ASIC2: variants seen among roughly 807,000 people sequenced by gnomAD.
The protein encoded by ASIC2 is acid-sensing ion channel 2.
ASIC2 carries 25 observed loss-of-function variants against 57.3 expected under a neutral mutation model. The observed-to-expected ratio is 0.44, with a 90% CI of 0.32 to 0.61. ASIC2 has a LOEUF of 0.61. ASIC2 is among the 20% of genes least tolerant of loss of function. ASIC2 has a pLI of 0.06. For synonymous variants in ASIC2, 319 were observed against 307.5 expected (o/e 1.04, Z -0.39); for missense variants, 641 against 738.1 (o/e 0.87, Z 1.52).
chr17:33,607,680 C>T (rs562195640), intron 1 of ASIC2, among the ~76,000 whole-genome samples: 1 of 152,180 alleles, frequency 6.6e-6, no homozygotes, highest in Non-Finnish European at 1.5e-5. Flanking sequence ...GACTCTCCAT[C>T]AGCTCAAGTC....
intron 1 of ASIC2, among the ~76,000 whole-genome samples, chr17:33,206,182 T>G (rs2142083172): frequency 6.6e-6 from 1 of 152,270 alleles, no homozygotes; most frequent in South Asian, 2.1e-4. Context: ...AGCATCATAC[T>G]TCCCACGAAA....
At chr17:33,299,408 C>A (rs767847456) in intron 1 of ASIC2, among the ~76,000 whole-genome samples, 1 of 152,180 alleles carries the variant, frequency 6.6e-6, no homozygotes, top group African/African-American at 2.4e-5. Flanking sequence ...TTCTCCCCTG[C>A]GGTTTTACTC....
intron 1 of ASIC2, among the ~76,000 whole-genome samples, chr17:33,501,413 C>G (rs915168956): frequency 1.3e-5 from 2 of 152,176 alleles, no homozygotes; most frequent in African/African-American, 4.8e-5. Context: ...CAGTGAGCAT[C>G]CTGCCCAACC....
intron 1 of ASIC2, among the ~76,000 whole-genome samples, chr17:33,499,237 AG>A (rs2141940666): frequency 6.6e-6 from 1 of 152,370 alleles, no homozygotes; most frequent in Non-Finnish European, 1.5e-5. Flanking sequence ...CACAGGATTC[AG>A]GCCTAAGCCA....
chr17:33,299,313 T>C (rs1905852361), intron 1 of ASIC2, among the ~76,000 whole-genome samples: 1 of 152,176 alleles, frequency 6.6e-6, no homozygotes, highest in Admixed American at 6.5e-5. Context: ...TGTGGGGCCC[T>C]AGAGGTGGCC....
intron 6 of ASIC2, among the ~76,000 whole-genome samples, chr17:33,023,477 G>A (rs1482070042): frequency 5.4e-5 from 8 of 148,960 alleles, no homozygotes; most frequent in Non-Finnish European, 1.0e-4. Context: ...GCAACAGGGC[G>A]AGGCTCCATC....
intron 1 of ASIC2, among the ~76,000 whole-genome samples, chr17:33,384,151 G>A (rs1450702725): frequency 6.6e-6 from 1 of 152,214 alleles, no homozygotes; most frequent in African/African-American, 2.4e-5. Context: ...CCCTAGGAAA[G>A]TGATCTGATA....
chr17:33,786,715 C>G (rs1911610243), intron 1 of ASIC2, among the ~76,000 whole-genome samples: 1 of 152,138 alleles, frequency 6.6e-6, no homozygotes, highest in African/African-American at 2.4e-5. Flanking sequence ...GTCCTAAGCC[C>G]TGGGTCATTT....
intron 1 of ASIC2, among the ~76,000 whole-genome samples, chr17:33,601,042 C>A (rs1407871632): frequency 6.6e-6 from 1 of 152,072 alleles, no homozygotes; most frequent in African/African-American, 2.4e-5. Context: ...TGCTGTATGG[C>A]TTCTTTTGGC....
chr17:33,203,502 G>T (rs1906955703), intron 1 of ASIC2, among the ~76,000 whole-genome samples: 1 of 152,126 alleles, frequency 6.6e-6, no homozygotes, highest in Non-Finnish European at 1.5e-5. Context: ...AATAAAGAAG[G>T]GAACTTCCTC....
At chr17:33,756,603 G>T (rs1597863650) in intron 1 of ASIC2, among the ~76,000 whole-genome samples, 1 of 152,242 alleles carries the variant, frequency 6.6e-6, no homozygotes, top group Non-Finnish European at 1.5e-5. Flanking sequence ...CTGGACCCAG[G>T]AGATGTTTCT....
intron 1 of ASIC2, among the ~76,000 whole-genome samples, chr17:33,540,896 C>T (rs7225640): frequency 0.03 from 4,625 of 152,284 alleles, 191 homozygotes; most frequent in African/African-American, 0.094. Flanking sequence ...CATTTCACAT[C>T]GTTGTTGCAA....
At chr17:33,534,223 T>A (rs965212773) in intron 1 of ASIC2, 64 of 152,280 alleles carry the variant, frequency 4.2e-4, no homozygotes, top group African/African-American at 1.4e-3. Flanking sequence ...ATTCTTCAAA[T>A]TCAAACGCGA....
At chr17:33,777,015 A>G (rs1005417314) in intron 1 of ASIC2, among the ~76,000 whole-genome samples, 1 of 151,110 alleles carries the variant, frequency 6.6e-6, no homozygotes, top group African/African-American at 2.4e-5. Flanking sequence ...TCCCATTACC[A>G]CCAAGCCGAT....
intron 1 of ASIC2, among the ~76,000 whole-genome samples, chr17:33,698,607 C>A (rs2046901): frequency 0.29 from 43,523 of 151,988 alleles, 6,472 homozygotes; most frequent in African/African-American, 0.36. Context: ...CACTGCAAAA[C>A]ATCACTGGTA....
chr17:33,130,223 A>G (rs1202610190), intron 1 of ASIC2, among the ~76,000 whole-genome samples: 1 of 152,018 alleles, frequency 6.6e-6, no homozygotes, highest in Non-Finnish European at 1.5e-5. Context: ...ATGTACATGA[A>G]TTTTTGCAAC....
intron 1 of ASIC2, among the ~76,000 whole-genome samples, chr17:33,782,693 C>T (rs1018321914): frequency 1.3e-5 from 2 of 152,140 alleles, no homozygotes; most frequent in Admixed American, 6.5e-5. Flanking sequence ...CATACCACTG[C>T]ACTCAGCCTG....
chr17:33,129,069 G>A (rs1174058048), intron 1 of ASIC2, among the ~76,000 whole-genome samples: 1 of 152,206 alleles, frequency 6.6e-6, no homozygotes, highest in Non-Finnish European at 1.5e-5. Context: ...AAGAGATAAT[G>A]CTGCAATTTG....
chr17:33,820,297 A>T (rs1912706697), intron 1 of ASIC2, among the ~76,000 whole-genome samples: 1 of 152,240 alleles, frequency 6.6e-6, no homozygotes, highest in African/African-American at 2.4e-5. Flanking sequence ...ATTTTCATTG[A>T]AAACTGAGAT....
Sources: allele counts gnomAD v4.1 joint callset (sites outside exome capture counted in the v4.1 genomes callset), GRCh38; gene constraint gnomAD v4.1.1; transcripts MANE v1.5; gene names NCBI Gene and HGNC (gene_info 2026-07-23, HGNC 2026-07-21).